The following TRANK1 variants were observed in gnomAD, a reference collection of about 807,000 sequenced individuals.
The protein encoded by TRANK1 is tetratricopeptide repeat and ankyrin repeat containing 1.
In TRANK1, 198 loss-of-function variants were observed where a neutral mutation model predicts 266.0. The ratio of observed to expected loss-of-function variants is 0.74; its 90% CI spans 0.66 to 0.84. The LOEUF is 0.84. Among genes scored for constraint, TRANK1 ranks in the 40% least tolerant of loss-of-function variants. The pLI, the probability that TRANK1 is intolerant of heterozygous loss-of-function variation, is 0.00. For missense variants in TRANK1, 3,326 were observed against 3,634.6 expected (o/e 0.92, Z 2.18); for synonymous variants, 1,396 against 1,384.1 (o/e 1.01, Z -0.19).
intron 8 of TRANK1, among the ~76,000 whole-genome samples, chr3:36,884,487 T>C (rs1477196709): frequency 6.6e-6 from 1 of 152,196 alleles, no homozygotes; most frequent in Admixed American, 6.5e-5. Context: ...AGGAGTGCCT[T>C]ATGGCTAAAG....
In TRANK1 at chr3:36,899,169, T is replaced by G. The variant is rs2079838444; in HGVS notation, c.373A>C (p.Arg125=). Residue 125 remains arginine, a synonymous_variant, in exon 4 of 24, where the codon AGA becomes CGA. Transcript: ENST00000645898. ...MFFEGLRLVQ[R]SQDQAPVADF... Reference sequence around the variant, plus strand: ...GCAACCGGTGCCTGGTCTTGGCTTCTCTGCACAAGTCGCAGACCCTCAAAA... The same window carrying G: ...GCAACCGGTGCCTGGTCTTGGCTTCGCTGCACAAGTCGCAGACCCTCAAAA... The G allele has an allele frequency of 7.2e-6, 11 of 1,537,282 alleles. No homozygotes were observed. Among genetic ancestry groups the G allele is most frequent in the Non-Finnish European group, 9.6e-6 (11 of 1,146,914 alleles).
intron 15 of TRANK1, chr3:36,851,075 G>A (rs1409490858): frequency 7.1e-6 from 7 of 985,392 alleles, no homozygotes; most frequent in Non-Finnish European, 8.4e-6. Flanking sequence ...AATGAACTAA[G>A]CTTGGGGAGA....
At chr3:36,888,019 A>T in intron 8 of TRANK1, among the ~76,000 whole-genome samples, 1 of 152,190 alleles carries the variant, frequency 6.6e-6, no homozygotes, top group East Asian at 1.9e-4. Context: ...AGCTGGGAAA[A>T]ATGAAAACAA....
At chr3:36,876,927 C>T (rs2079398328) in intron 8 of TRANK1, among the ~76,000 whole-genome samples, 1 of 152,202 alleles carries the variant, frequency 6.6e-6, no homozygotes, top group Admixed American at 6.5e-5. Context: ...TGCTGCCCAG[C>T]TCTGGTGAGT....
chr3:36,944,645 G>A (rs1258635433), intron 1 of TRANK1, 142 bp downstream of exon 1: 33 of 973,208 alleles, frequency 3.4e-5, no homozygotes, highest in Non-Finnish European at 4.4e-5. Flanking sequence ...AGATGGCTGT[G>A]GGCCCCACAG....
chr3:36,883,563 T>C lies in TRANK1; in HGVS notation c.907+6266A>G, dbSNP rs1575258952. Among the ~76,000 whole-genome samples, 3 of 142,080 alleles carry C rather than the reference T, an allele frequency of 2.1e-5. No homozygotes were observed. In the South Asian group the frequency reaches 6.5e-4, roughly 31 times the overall value. 93.2% of individuals were successfully genotyped at this position (142,080 alleles called of 152,430 possible). On this transcript the variant is annotated intron_variant, in intron 8 of 23. Transcript: ENST00000645898. ...AAAAAAAAAGGGAGCTATAAGAAAA[T>C]AGCATGTGTGTGTTCATTGCTGCAA...
intron 5 of TRANK1, among the ~76,000 whole-genome samples, chr3:36,893,794 C>G (rs1034049852): frequency 6.6e-6 from 1 of 152,172 alleles, no homozygotes; most frequent in Non-Finnish European, 1.5e-5. Context: ...TCCAGCCTCT[C>G]TCATGTATGG....
At position 36,832,043 on chromosome 3, in the gene TRANK1, C is replaced by A; in HGVS notation, c.7540G>T (p.Asp2514Tyr). ...FSIIQEYKPK[D>Y]VTRAIQDFRF... Reference sequence around the variant, plus strand: ...AAATCCTGAATGGCTCTTGTCACGTCCTTGGGTTTGTATTCCTGAATGATG... The same window carrying A: ...AAATCCTGAATGGCTCTTGTCACGTACTTGGGTTTGTATTCCTGAATGATG... Residue 2514 changes from aspartate to tyrosine, a missense_variant, in exon 22 of 24, where the codon GAC (aspartate) becomes TAC (tyrosine). Physicochemically the swap from Asp to Tyr is radical, Grantham distance 160 (BLOSUM62 -3). Transcript: ENST00000645898. The A allele has an allele frequency of 1.2e-6, 2 of 1,614,036 alleles. No individual in the cohort carries two copies. Among genetic ancestry groups the A allele is most frequent in the Non-Finnish European group, 1.7e-6 (2 of 1,179,900 alleles).
Position 36,857,209 on chromosome 3 carries a change from C to A in TRANK1, c.2513G>T (p.Cys838Phe). 1.2e-6 allele frequency: 2 copies of A among 1,613,892 alleles called. No individual in the cohort carries two copies. Among genetic ancestry groups the A allele is most frequent in the Non-Finnish European group, 1.7e-6 (2 of 1,179,846 alleles). Reference protein sequence around the residue: ...DFDNMTWEIECTSEMLKKLSS... With the variant: ...DFDNMTWEIEFTSEMLKKLSS... ...CAGCTTCTTCAGCATTTCTGAAGTG[C>A]ACTCGATCTCCCAGGTCATGTTATC... The change falls in exon 13 of 24, where the codon TGC becomes TTC. Residue 838 changes from cysteine (C) to phenylalanine (F), a missense_variant. Cys to Phe is a radical substitution (Grantham distance 205). Coordinates refer to ENST00000645898, the MANE Select transcript of TRANK1 (RefSeq NM_001329998.2). This position sits in a 1 kb window ranked among gnomAD's most constrained non-coding sequence, Gnocchi z 4.3.
At position 36,918,613 on chromosome 3, in the gene TRANK1, AAG is replaced by A. The variant is rs1466497255; in HGVS notation, c.24-10161_24-10160del. Among the ~76,000 whole-genome samples, 78 of 144,492 alleles carry A rather than the reference AAG, an allele frequency of 5.4e-4. 1 individual carries two copies. Among genetic ancestry groups the A allele is most frequent in the Non-Finnish European group, 7.4e-4 (49 of 66,422 alleles). 94.8% of individuals were successfully genotyped at this position (144,492 alleles called of 152,430 possible). The stretch of plus-strand genomic sequence containing the variant: ...AAGGAAGGAAGGAAGGAAGGAAAGA[AAG>A]AAAGAAAGAAAGAAAGAAAGAAAGA... On this transcript the variant is annotated intron_variant, in intron 1 of 23. Coordinates refer to ENST00000645898, the MANE Select transcript of TRANK1 (RefSeq NM_001329998.2).
intron 23 of TRANK1, 56 bp downstream of exon 23, chr3:36,829,508 T>C (rs1409023043): frequency 1.9e-6 from 3 of 1,578,802 alleles, no homozygotes; most frequent in Non-Finnish European, 2.6e-6. Flanking sequence ...GAGCCAGCAG[T>C]AATAAGAACC....
rs967538251 is a variant in TRANK1, at chr3:36,828,069, T to C, written c.*206A>G. On this transcript the variant is annotated 3_prime_UTR_variant, in exon 24 of 24. Transcript: ENST00000645898. ...GGGGGAAACTAATACTGCCAGACTC[T>C]ACTTGGAAACACTTTAGAGGTGAGG... 2.8e-5 allele frequency: 15 copies of C among 531,046 alleles called. No homozygotes were observed. Among genetic ancestry groups the C allele is most frequent in the African/African-American group, 2.5e-4 (13 of 52,488 alleles). 32.9% of individuals were successfully genotyped at this position (531,046 alleles called of 1,614,324 possible).
At chr3:36,892,711 T>G (rs2079719429) in intron 6 of TRANK1, among the ~76,000 whole-genome samples, 190 bp downstream of exon 6, 1 of 152,008 alleles carries the variant, frequency 6.6e-6, no homozygotes, top group East Asian at 1.9e-4. Context: ...GCGCCTGTAA[T>G]CCCAGCTATT....
In TRANK1 at chr3:36,847,301, T is replaced by C. The variant is rs1559423878; in HGVS notation, c.4933A>G (p.Thr1645Ala). 3 of 1,613,678 alleles carry C rather than the reference T, an allele frequency of 1.9e-6. No individual in the cohort carries two copies. Among genetic ancestry groups the C allele is most frequent in the East Asian group, 2.2e-5 (1 of 44,882 alleles). The change falls in exon 16 of 24, where the codon ACT becomes GCT. Residue 1645 changes from threonine (T) to alanine (A), a missense_variant. By Grantham distance (58) the Thr-to-Ala change is moderately conservative. Coordinates refer to ENST00000645898, the MANE Select transcript of TRANK1 (RefSeq NM_001329998.2). Reference sequence around the variant, plus strand: ...GGCCGGTTTTCCTCTCTGGAGTCAGTTGAGGTAGGTGTGAATGAGGAAATG... The same window carrying C: ...GGCCGGTTTTCCTCTCTGGAGTCAGCTGAGGTAGGTGTGAATGAGGAAATG... ...KIISSFTPTS[T>A]DSREENRPLV...
chr3:36,856,307 C>T lies in TRANK1; in HGVS notation c.3415G>A (p.Glu1139Lys), dbSNP rs759288548. 4.1e-5 allele frequency: 64 copies of T among 1,579,832 alleles called. No homozygotes were observed. The highest frequency in any genetic ancestry group is 5.5e-5 in the Non-Finnish European group (64 of 1,162,814). The change falls in exon 13 of 24, where the codon GAG (glutamate) becomes AAG (lysine). Residue 1139 changes from glutamate (E) to lysine (K), a missense_variant. Physicochemically the swap from Glu to Lys is moderately conservative, Grantham distance 56. Coordinates refer to ENST00000645898, the MANE Select transcript of TRANK1 (RefSeq NM_001329998.2). ...GGEEEEEEED[E>K]EEEDSIEVET... ...ACTTCAATAGAATCTTCCTCTTCCT[C>T]GTCCTCTTCCTCCTCCTCTTCCTCC...
At chr3:36,859,794 A>G (rs2079109929) in intron 11 of TRANK1, among the ~76,000 whole-genome samples, 1 of 152,294 alleles carries the variant, frequency 6.6e-6, no homozygotes, top group South Asian at 2.1e-4. Context: ...CAGGAATTCC[A>G]TGACAGCTGT....
At chr3:36,898,538 A>G (rs1224491365) in intron 4 of TRANK1, among the ~76,000 whole-genome samples, 3 of 152,176 alleles carry the variant, frequency 2.0e-5, no homozygotes, top group Non-Finnish European at 2.9e-5. Flanking sequence ...CCCTATGAAT[A>G]GCAACACAAA....
At chr3:36,850,481 T>C (rs1356957848) in intron 15 of TRANK1, 1 of 985,312 alleles carries the variant, frequency 1.0e-6, no homozygotes, top group African/African-American at 1.7e-5. Flanking sequence ...GACCTTCTGC[T>C]TTATCTACAG....
chr3:36,895,334 A>G (rs1241738741), intron 5 of TRANK1, among the ~76,000 whole-genome samples: 1 of 152,232 alleles, frequency 6.6e-6, no homozygotes, highest in Non-Finnish European at 1.5e-5. Flanking sequence ...AGTATAAAAA[A>G]GGATTGTGAA....
Sources: allele counts gnomAD v4.1 joint callset (sites outside exome capture counted in the v4.1 genomes callset), GRCh38; gene constraint gnomAD v4.1.1; non-coding constraint Gnocchi (gnomAD v3.1); transcripts MANE v1.5; gene names NCBI Gene and HGNC (gene_info 2026-07-23, HGNC 2026-07-21).